The following SETD7 variants were observed in gnomAD, a reference collection of about 807,000 sequenced individuals.
SETD7 encodes histone-lysine N-methyltransferase SETD7.
Under a neutral mutation model 41.8 loss-of-function variants are expected in SETD7, and 16 were observed. The observed-to-expected ratio is 0.38, with a 90% confidence interval of 0.26 to 0.58. The LOEUF (loss-of-function observed/expected upper bound fraction) is 0.58, where lower values mean the gene tolerates loss of function less well. Among genes scored for constraint, SETD7 ranks in the 20% least tolerant of loss-of-function variants. The pLI is 0.64. For missense variants in SETD7, 346 were observed against 459.7 expected, an observed-to-expected ratio of 0.75 and a Z score of 2.26; for synonymous variants, 163 against 169.7, an observed-to-expected ratio of 0.96 and a Z score of 0.31.
chr4:139,532,119 TA>T (rs1360974597), intron 3 of SETD7, among the ~76,000 whole-genome samples: 4 of 151,794 alleles, frequency 2.6e-5, no homozygotes. Context: ...TATTTTGACT[TA>T]AGTTATGAAC....
intron 5 of SETD7, 30 bp downstream of exon 5, chr4:139,523,324 G>A (rs778791615): frequency 1.3e-6 from 2 of 1,505,608 alleles, no homozygotes; most frequent in East Asian, 2.3e-5. Context: ...CACATAAACA[G>A]TGCAATTAAA....
rs377269392 is a variant in SETD7 at position 139,543,608 on chromosome 4, T to C, written c.170+3312A>G. Among the ~76,000 whole-genome samples, 64 of 152,264 alleles carry C rather than the reference T, an allele frequency of 4.2e-4. 2 individuals carry two copies. The East Asian group carries it at 7.5e-3, about 18-fold the overall frequency. On this transcript the variant is annotated intron_variant, in intron 2 of 7. Transcript: ENST00000274031. ...AGGTCCTCGCTAACACTATTTTTCCTTGATTCTATTTAATCAACATCTCCA... is the reference window on the plus strand; with the variant it reads ...AGGTCCTCGCTAACACTATTTTTCCCTGATTCTATTTAATCAACATCTCCA...
At chr4:139,529,915 A>G (rs1727435316) in intron 3 of SETD7, among the ~76,000 whole-genome samples, 1 of 152,076 alleles carries the variant, frequency 6.6e-6, no homozygotes, top group South Asian at 2.1e-4. Flanking sequence ...TTTCCACTCT[A>G]TTTCCTGCTC....
chr4:139,505,155 G>C (rs1726670599), downstream of SETD7, among the ~76,000 whole-genome samples: 2 of 152,174 alleles, frequency 1.3e-5, no homozygotes, highest in African/African-American at 4.8e-5. Flanking sequence ...CTCATGGCCT[G>C]CTTCAGTTTG....
Position 139,517,871 on chromosome 4 carries a change from T to G in SETD7, c.920+14A>C. The G allele has an allele frequency of 6.2e-7, 1 of 1,607,110 alleles. No homozygotes were observed. Among genetic ancestry groups the G allele is most frequent in the South Asian group, 1.1e-5 (1 of 90,070 alleles). Reference sequence around the variant, plus strand: ...AGGCATAGATCCGCCCCAGCAGCTCTGGGTAATACTTACATATCGTAGATG... The same window carrying G: ...AGGCATAGATCCGCCCCAGCAGCTCGGGGTAATACTTACATATCGTAGATG... On this transcript the variant is annotated intron_variant, in intron 7 of 7. Transcript: ENST00000274031.
At chr4:139,553,249 A>C (rs1402965612) in intron 1 of SETD7, among the ~76,000 whole-genome samples, 2 of 152,262 alleles carry the variant, frequency 1.3e-5, no homozygotes, top group Admixed American at 6.5e-5. Context: ...TAAGACATTT[A>C]AACTCAATCC....
downstream of SETD7, among the ~76,000 whole-genome samples, chr4:139,501,890 C>T (rs78735795): frequency 2.0e-5 from 3 of 152,126 alleles, no homozygotes; most frequent in South Asian, 2.1e-4. Flanking sequence ...GGGCTCTTCA[C>T]GGGGGACTGC....
intron 1 of SETD7, among the ~76,000 whole-genome samples, chr4:139,553,364 A>T (rs1469950625): frequency 6.6e-6 from 1 of 152,270 alleles, no homozygotes; most frequent in African/African-American, 2.4e-5. Flanking sequence ...TTTTTCTGAA[A>T]GTCACTGAAC....
intron 2 of SETD7, among the ~76,000 whole-genome samples, chr4:139,539,432 T>A (rs1727726289): frequency 6.6e-6 from 1 of 152,196 alleles, no homozygotes; most frequent in African/African-American, 2.4e-5. Context: ...AGCCAGAAAC[T>A]TCAACTTCTC....
chr4:139,524,822 CT>C (rs1022204098), intron 4 of SETD7, among the ~76,000 whole-genome samples: 6 of 151,686 alleles, frequency 4.0e-5, no homozygotes, highest in Middle Eastern at 3.4e-3. Flanking sequence ...CCCTCCCCCA[CT>C]TTTTTTTTCT....
At chr4:139,518,158 C>CAAA in intron 6 of SETD7, 116 bp from the exon 7 acceptor site, 1 of 1,133,914 alleles carries the variant, frequency 8.8e-7, no homozygotes, top group Non-Finnish European at 1.2e-6. Flanking sequence ...GACAGGGTCT[C>CAAA]ACTCTGTCAC....
intron 2 of SETD7, among the ~76,000 whole-genome samples, chr4:139,534,101 G>A (rs894762403): frequency 2.6e-5 from 4 of 152,024 alleles, no homozygotes; most frequent in African/African-American, 9.7e-5. Flanking sequence ...TGAGACCCAC[G>A]GTCCTATACC....
Position 139,507,404 on chromosome 4 carries a change from G to T in SETD7, c.*4259C>A, listed in dbSNP as rs1726735798. On this transcript the variant is annotated 3_prime_UTR_variant, in exon 8 of 8. Coordinates refer to ENST00000274031, the MANE Select transcript of SETD7 (RefSeq NM_030648.4). ...CAGGTGCAACAACGCCGAGGAAGTTGCTGAGAGTCAGAGTTATTGTAGGCT... is the reference window on the plus strand; with the variant it reads ...CAGGTGCAACAACGCCGAGGAAGTTTCTGAGAGTCAGAGTTATTGTAGGCT... 1 of 152,618 alleles carries T rather than the reference G, an allele frequency of 6.6e-6. No homozygotes were observed. The highest frequency in any genetic ancestry group is 1.5e-5 in the Non-Finnish European group (1 of 68,056). 9.5% of individuals were successfully genotyped at this position (152,618 alleles called of 1,614,324 possible).
At chr4:139,549,059 T>C (rs1486394367) in intron 1 of SETD7, among the ~76,000 whole-genome samples, 1 of 152,210 alleles carries the variant, frequency 6.6e-6, no homozygotes, top group African/African-American at 2.4e-5. Flanking sequence ...GCTAAGAGCT[T>C]TTTTTAGTGA....
At chr4:139,541,708 G>A (rs78198079) in intron 2 of SETD7, among the ~76,000 whole-genome samples, 123 of 152,310 alleles carry the variant, frequency 8.1e-4, no homozygotes, top group African/African-American at 2.8e-3. Flanking sequence ...TAAAGCATGA[G>A]TATTCTGATT....
intron 2 of SETD7, among the ~76,000 whole-genome samples, chr4:139,544,150 G>A (rs1727861085): frequency 6.6e-6 from 1 of 151,784 alleles, no homozygotes; most frequent in Admixed American, 6.6e-5. Context: ...AAATTAGCCT[G>A]GTGTGGTGGC....
At chr4:139,543,112 G>A (rs571841244) in intron 2 of SETD7, among the ~76,000 whole-genome samples, 15 of 152,224 alleles carry the variant, frequency 9.9e-5, no homozygotes, top group African/African-American at 3.6e-4. Flanking sequence ...TTGTCTCCTC[G>A]CTTGTTATTC....
intron 1 of SETD7, among the ~76,000 whole-genome samples, chr4:139,553,161 G>A (rs1456950955): frequency 6.6e-6 from 1 of 152,106 alleles, no homozygotes; most frequent in African/African-American, 2.4e-5. Context: ...CTCACCTCAG[G>A]GAATTGTCCA....
At chr4:139,551,881 C>T (rs1266606127) in intron 1 of SETD7, among the ~76,000 whole-genome samples, 1 of 152,062 alleles carries the variant, frequency 6.6e-6, no homozygotes, top group Non-Finnish European at 1.5e-5. Flanking sequence ...CAAAAAACAA[C>T]AATAATAAAA....
Sources: gnomAD v4.1 joint callset for allele counts (sites outside exome capture counted in the v4.1 genomes callset) on GRCh38, gnomAD v4.1.1 for gene constraint, MANE v1.5 for transcripts, NCBI Gene and HGNC (gene_info 2026-07-23, HGNC 2026-07-21) for gene names.